NBEA: variants seen among roughly 807,000 people sequenced by gnomAD.
The protein encoded by NBEA is lysosomal-trafficking regulator 2.
A neutral mutation model predicts 343.4 loss-of-function variants in NBEA; 44 were observed. The observed-to-expected ratio is 0.13, with a 90% CI of 0.10 to 0.16. The LOEUF (loss-of-function observed/expected upper bound fraction) is 0.16. NBEA is among the 10% of genes least tolerant of loss of function. The pLI is 1.00. For missense variants in NBEA, 2,555 were observed against 3,631.3 expected, an observed-to-expected ratio of 0.70 and a Z score of 7.62; for synonymous variants, 1,175 against 1,238.7, an observed-to-expected ratio of 0.95 and a Z score of 1.08.
intron 41 of NBEA, among the ~76,000 whole-genome samples, chr13:35,540,141 G>A (rs941580390): frequency 5.3e-5 from 8 of 151,732 alleles, no homozygotes; most frequent in African/African-American, 1.9e-4. Context: ...AAAATAATTT[G>A]TCTCGACAAT....
intron 58 of NBEA, 44 bp from the exon 59 acceptor site, chr13:35,670,857 A>T: frequency 7.3e-7 from 1 of 1,376,626 alleles, no homozygotes; most frequent in Non-Finnish European, 1.0e-6. Flanking sequence ...GCAACCACAG[A>T]AATGATTTTA....
intron 17 of NBEA, among the ~76,000 whole-genome samples, chr13:35,128,145 T>A: frequency 1.4e-5 from 2 of 146,660 alleles, no homozygotes; most frequent in African/African-American, 2.5e-5. Context: ...AGATGATGAG[T>A]TAGTGGGTGC....
intron 11 of NBEA, among the ~76,000 whole-genome samples, chr13:35,102,383 T>C (rs2065688392): frequency 6.6e-6 from 1 of 151,786 alleles, no homozygotes; most frequent in Non-Finnish European, 1.5e-5. Flanking sequence ...TCTTGAAGAT[T>C]GCCTTGGCTG....
chr13:35,177,089 G>A lies in NBEA; in HGVS notation c.4648G>A (p.Val1550Ile). The A allele has an allele frequency of 6.3e-7, 1 of 1,598,530 alleles. No homozygotes were observed. The highest frequency in any genetic ancestry group is 8.5e-7 in the Non-Finnish European group (1 of 1,171,084). ...TGATATCAATCGCCTTCGTGCTGTT[G>A]TCTTTCGGGATGTGGTAAGTTATAC... ...DVDINRLRAV[V>I]FRDVDDSKQA... The change falls in exon 28 of 59, where the codon GTC becomes ATC. Residue 1550 changes from valine to isoleucine, a missense_variant. This residue lies in a region of NBEA where 168 missense variants were observed against 193.0 expected (regional missense o/e 0.87). Coordinates refer to ENST00000379939, the MANE Select transcript of NBEA (RefSeq NM_001385012.1).
At position 35,472,432 on chromosome 13, in the gene NBEA, A is replaced by T. The variant is rs955550624; in HGVS notation, c.6481A>T (p.Ile2161Phe). Residue 2161 changes from isoleucine (I) to phenylalanine (F), a missense_variant, in exon 41 of 59, where the codon ATC becomes TTC. By Grantham distance (21) the Ile-to-Phe change is conservative. This residue lies in a region of NBEA where 246 missense variants were observed against 313.7 expected (regional missense o/e 0.78). Transcript: ENST00000379939. ...PVVLSTPAQL[I>F]APVVVAKGTL... The stretch of plus-strand genomic sequence containing the variant: ...GGTTCTCAGCACCCCTGCCCAGCTC[A>T]TCGCTCCCGTGGTGGTGGCCAAGGG... 1.7e-5 allele frequency: 27 copies of T among 1,612,824 alleles called. No homozygotes were observed. Among genetic ancestry groups the T allele is most frequent in the Non-Finnish European group, 2.2e-5 (26 of 1,179,070 alleles).
rs765870969 is a variant in NBEA at position 35,628,225 on chromosome 13, A to T, written c.7594A>T (p.Ile2532Phe). ...TYEGSVNLDS[I>F]TDPVLREIPE... is the part of the protein sequence containing the mutation. ...TGAAGGCTCTGTGAACCTGGATAGT[A>T]TCACTGATCCTGTGCTCAGGGAGGT... Residue 2532 changes from isoleucine to phenylalanine, a missense_variant, in exon 49 of 59, where the codon ATC becomes TTC. Transcript: ENST00000379939. The T allele has an allele frequency of 1.6e-5, 26 of 1,610,400 alleles. No individual in the cohort carries two copies. The highest frequency in any genetic ancestry group is 2.2e-5 in the Non-Finnish European group (26 of 1,178,196).
At chr13:34,947,258 A>C (rs925701989) in intron 1 of NBEA, among the ~76,000 whole-genome samples, 1 of 152,168 alleles carries the variant, frequency 6.6e-6, no homozygotes, top group African/African-American at 2.4e-5. Flanking sequence ...ACACTAAGGC[A>C]GCAAATATTC....
chr13:35,508,644 A>T (rs1295566631), intron 41 of NBEA, among the ~76,000 whole-genome samples: 1 of 152,168 alleles, frequency 6.6e-6, no homozygotes, highest in Non-Finnish European at 1.5e-5. Context: ...ATTCATTCAG[A>T]ATGACCATTG....
At chr13:35,464,529 GA>G (rs2047070883) in intron 40 of NBEA, among the ~76,000 whole-genome samples, 1 of 152,144 alleles carries the variant, frequency 6.6e-6, no homozygotes, top group African/African-American at 2.4e-5. Context: ...TGAATGTCCA[GA>G]ATTTTTTTCT....
intron 41 of NBEA, among the ~76,000 whole-genome samples, chr13:35,501,660 A>G (rs556906637): frequency 3.3e-5 from 5 of 152,238 alleles, no homozygotes; most frequent in African/African-American, 7.2e-5. Flanking sequence ...TAAATAACCT[A>G]CCTCACCTTT....
intron 1 of NBEA, among the ~76,000 whole-genome samples, chr13:34,983,170 CT>C (rs1295023723): frequency 1.3e-5 from 2 of 152,154 alleles, no homozygotes; most frequent in African/African-American, 2.4e-5. Context: ...ATACCTCCCC[CT>C]GACCCCCACC....
intron 36 of NBEA, among the ~76,000 whole-genome samples, chr13:35,334,035 A>G (rs574335121): frequency 6.6e-6 from 1 of 151,402 alleles, no homozygotes; most frequent in African/African-American, 2.4e-5. Context: ...CCGTAGATCG[A>G]TTTCCTTTCA....
intron 40 of NBEA, among the ~76,000 whole-genome samples, chr13:35,459,677 T>C (rs1490418801): frequency 6.6e-6 from 1 of 152,182 alleles, no homozygotes; most frequent in Non-Finnish European, 1.5e-5. Context: ...ACAGGCAAAG[T>C]TGTTTATATA....
At position 35,156,186 on chromosome 13, in the gene NBEA, T is replaced by C. The variant is rs1439696600; in HGVS notation, c.2631T>C (p.Ser877=). The C allele has an allele frequency of 1.3e-6, 2 of 1,586,330 alleles. No homozygotes were observed. The highest frequency in any genetic ancestry group is 2.7e-5 in the African/African-American group (2 of 74,150). The part of the protein sequence containing the change: ...LFLSDMIKLF[S]NSRENRRCLL... ...TATCTGATATGATAAAACTTTTCAG[T>C]AACAGCCGTGAAAATAGAAGGTAAG... Residue 877 remains serine, a synonymous_variant, in exon 20 of 59, where the codon AGT becomes AGC. Coordinates refer to ENST00000379939, the MANE Select transcript of NBEA (RefSeq NM_001385012.1).
chr13:35,547,953 C>G (rs1317937949), intron 41 of NBEA, among the ~76,000 whole-genome samples: 1 of 152,052 alleles, frequency 6.6e-6, no homozygotes, highest in Non-Finnish European at 1.5e-5. Context: ...AAACACTCTG[C>G]TACAGAACGG....
chr13:34,966,982 CAA>C, intron 1 of NBEA, among the ~76,000 whole-genome samples: 1 of 143,806 alleles, frequency 7.0e-6, no homozygotes, highest in South Asian at 2.2e-4. Context: ...TTTCTCATAA[CAA>C]GACTTTCTTG....
intron 49 of NBEA, among the ~76,000 whole-genome samples, chr13:35,630,051 CAAAAT>C (rs1030563082): frequency 1.4e-5 from 2 of 144,518 alleles, no homozygotes; most frequent in African/African-American, 4.9e-5. Flanking sequence ...ACATTAAACA[CAAAAT>C]AAAATAAATT....
intron 1 of NBEA, among the ~76,000 whole-genome samples, chr13:34,995,747 G>A (rs1372027553): frequency 6.6e-6 from 1 of 152,220 alleles, no homozygotes; most frequent in African/African-American, 2.4e-5. Context: ...ACACGCTCAA[G>A]TTTCATTCAG....
intron 34 of NBEA, among the ~76,000 whole-genome samples, chr13:35,288,605 A>G (rs2035592656): frequency 2.0e-5 from 3 of 151,978 alleles, no homozygotes; most frequent in Admixed American, 2.0e-4. Flanking sequence ...GTAAAAAACT[A>G]TAAATGGTCT....
Sources: allele counts gnomAD v4.1 joint callset (sites outside exome capture counted in the v4.1 genomes callset), GRCh38; gene constraint gnomAD v4.1.1; regional missense constraint gnomAD v4.1.1; transcripts MANE v1.5; gene names NCBI Gene and HGNC (gene_info 2026-07-23, HGNC 2026-07-21).